The following ELOC variants were observed in gnomAD, a reference collection of about 807,000 sequenced individuals.
The protein encoded by ELOC is elongin C.
For synonymous variants in ELOC, 40 were observed against 51.3 expected, an observed-to-expected ratio of 0.78 and a Z score of 0.94; for missense variants, 38 against 139.0, an observed-to-expected ratio of 0.27 and a Z score of 3.65.
At chr8:73,957,576 T>TA (rs1285315477) in intron 2 of ELOC, among the ~76,000 whole-genome samples, 1 of 152,140 alleles carries the variant, frequency 6.6e-6, no homozygotes, top group East Asian at 1.9e-4. Flanking sequence ...TCTCTAAAAT[T>TA]AAAATTAGTA....
chr8:73,962,564 A>T lies in ELOC; in HGVS notation c.-50-2746T>A, dbSNP rs893593219. 5.9e-5 allele frequency among the ~76,000 whole-genome samples: 7 copies of T among 119,182 alleles called. No individual in the cohort carries two copies. The Admixed American group carries it at 6.2e-4, about 11-fold the overall frequency. The allele number at this position is 119,182 out of a possible 152,430, so 78.2% of individuals were successfully genotyped here. ...TATACTGCTTTGTAAATACTCTTTT[A>T]AAAAACAAAACAAAAAAAAAAACAA... On this transcript the variant is annotated intron_variant, in intron 1 of 3. Transcript: ENST00000520242.
At chr8:73,953,558 A>C (rs1000758621) in intron 3 of ELOC, among the ~76,000 whole-genome samples, 2 of 146,868 alleles carry the variant, frequency 1.4e-5, no homozygotes, top group African/African-American at 2.5e-5. Context: ...GCCTGTAATC[A>C]CAGCTGCAGG....
chr8:73,949,213 T>TG, intron 3 of ELOC, among the ~76,000 whole-genome samples: 1 of 152,330 alleles, frequency 6.6e-6, no homozygotes, highest in East Asian at 1.9e-4. Context: ...ATCTGTTGGT[T>TG]GGGGGTATAC....
intron 3 of ELOC, among the ~76,000 whole-genome samples, chr8:73,951,584 C>T (rs1377972295): frequency 2.0e-5 from 3 of 151,938 alleles, no homozygotes; most frequent in Non-Finnish European, 2.9e-5. Context: ...AGGCTTGTGC[C>T]ACTACACTCC....
chr8:73,952,310 A>T (rs780102745), intron 3 of ELOC, among the ~76,000 whole-genome samples: 3 of 151,956 alleles, frequency 2.0e-5, no homozygotes, highest in Non-Finnish European at 4.4e-5. Flanking sequence ...AGGCTGAGAC[A>T]GGAGAATCGG....
At chr8:73,950,708 C>T (rs890809358) in intron 3 of ELOC, among the ~76,000 whole-genome samples, 1 of 152,186 alleles carries the variant, frequency 6.6e-6, no homozygotes, top group Non-Finnish European at 1.5e-5. Flanking sequence ...GTGCTACCTA[C>T]AAATATCCTT....
intron 1 of ELOC, among the ~76,000 whole-genome samples, chr8:73,967,208 T>G (rs1815044074): frequency 6.6e-6 from 1 of 152,110 alleles, no homozygotes; most frequent in South Asian, 2.1e-4. Context: ...GAGGAATCTG[T>G]GGACAAAATA....
chr8:73,959,963 CTG>C (rs1174679890), intron 1 of ELOC, 145 bp from the exon 2 acceptor site: 7 of 418,674 alleles, frequency 1.7e-5, no homozygotes, highest in African/African-American at 1.4e-4. Flanking sequence ...AACAAAAACA[CTG>C]TACTTTTATA....
Position 73,946,526 on chromosome 8 carries a change from G to C in ELOC, c.*104C>G, listed in dbSNP as rs1381099947. 4 of 883,684 alleles carry C rather than the reference G, an allele frequency of 4.5e-6. No homozygotes were observed. The highest frequency in any genetic ancestry group is 1.7e-5 in the African/African-American group (1 of 59,234). 54.7% of individuals were successfully genotyped at this position (883,684 alleles called of 1,614,324 possible). ...TCTGCTTTGCAATGAACTTTATATA[G>C]TTCAACTGCATACAGGCAACATGCT... On this transcript the variant is annotated 3_prime_UTR_variant, in exon 4 of 4. Coordinates refer to ENST00000520242, the MANE Select transcript of ELOC (RefSeq NM_005648.4).
chr8:73,947,376 C>G (rs1563668839), intron 3 of ELOC, among the ~76,000 whole-genome samples: 1 of 152,024 alleles, frequency 6.6e-6, no homozygotes, highest in Non-Finnish European at 1.5e-5. Context: ...ATGTACAAGA[C>G]AAAAAGAGAG....
At chr8:73,967,441 AG>A (rs1366901401) in intron 1 of ELOC, among the ~76,000 whole-genome samples, 1 of 151,570 alleles carries the variant, frequency 6.6e-6, no homozygotes, top group East Asian at 1.9e-4. Context: ...TGGGCAAAAA[AG>A]GGTACATTTT....
chr8:73,948,769 A>T (rs1340009881), intron 3 of ELOC, among the ~76,000 whole-genome samples: 1 of 152,164 alleles, frequency 6.6e-6, no homozygotes, highest in African/African-American at 2.4e-5. Context: ...CGGGAGTTCA[A>T]GGCTGCAGTG....
At chr8:73,951,114 T>A (rs977623124) in intron 3 of ELOC, among the ~76,000 whole-genome samples, 1 of 151,666 alleles carries the variant, frequency 6.6e-6, no homozygotes, top group Non-Finnish European at 1.5e-5. Context: ...CTACTAAAAA[T>A]ACTAAAATTA....
chr8:73,966,641 CT>C (rs75407672), intron 1 of ELOC, among the ~76,000 whole-genome samples: 1,923 of 137,610 alleles, frequency 0.014, 5 homozygotes, highest in African/African-American at 0.02. Flanking sequence ...GCTAAAATTT[CT>C]TTTTTTTTTT....
Position 73,959,791 on chromosome 8 carries a change from T to G in ELOC, c.-23A>C. ...CATTTTGTTCTTATGAAATTCTACT[T>G]TGCTTCCCCAGGAACTTTAGTAGTT... On this transcript the variant is annotated 5_prime_UTR_variant, in exon 2 of 4. Coordinates refer to ENST00000520242, the MANE Select transcript of ELOC (RefSeq NM_005648.4). The G allele has an allele frequency of 6.4e-7, 1 of 1,552,764 alleles. No individual in the cohort carries two copies. The highest frequency in any genetic ancestry group is 8.7e-7 in the Non-Finnish European group (1 of 1,150,528).
intron 2 of ELOC, among the ~76,000 whole-genome samples, chr8:73,956,630 C>G (rs1382313650): frequency 6.8e-6 from 1 of 146,792 alleles, no homozygotes; most frequent in Non-Finnish European, 1.5e-5. Flanking sequence ...TGTTTTGTAA[C>G]CAAAGCAGCC....
intron 2 of ELOC, among the ~76,000 whole-genome samples, chr8:73,956,837 G>A (rs1404997485): frequency 6.6e-6 from 1 of 152,086 alleles, no homozygotes; most frequent in Non-Finnish European, 1.5e-5. Context: ...CACACTTGAT[G>A]GTTAAAAATA....
chr8:73,947,351 A>C (rs1159998841), intron 3 of ELOC, among the ~76,000 whole-genome samples: 1 of 152,142 alleles, frequency 6.6e-6, no homozygotes, highest in African/African-American at 2.4e-5. Flanking sequence ...GTGTGAAGAC[A>C]GGAAGAAGAT....
intron 1 of ELOC, among the ~76,000 whole-genome samples, chr8:73,962,824 C>A (rs1586613977): frequency 1.3e-5 from 2 of 152,298 alleles, no homozygotes; most frequent in African/African-American, 4.8e-5. Context: ...GAGACCCACC[C>A]TTTCTCCCAC....
Sources: allele counts gnomAD v4.1 joint callset (sites outside exome capture counted in the v4.1 genomes callset), GRCh38; gene constraint gnomAD v4.1.1; transcripts MANE v1.5; gene names NCBI Gene and HGNC (gene_info 2026-07-23, HGNC 2026-07-21).